Variants in FGD3 observed in about 807,000 individuals in gnomAD.
The protein encoded by FGD3 is FYVE, RhoGEF and PH domain containing 3, also known as FYVE, RhoGEF and PH domain-containing protein 3.
In FGD3, 45 loss-of-function variants were observed where a neutral mutation model predicts 71.8. The ratio of observed to expected loss-of-function variants is 0.63; its 90% CI spans 0.49 to 0.80. The LOEUF is 0.80. FGD3 is among the 30% of genes least tolerant of loss of function. The pLI is 0.00. For synonymous variants in FGD3, 378 were observed against 392.8 expected, an observed-to-expected ratio of 0.96 and a Z score of 0.44; for missense variants, 844 against 951.5, an observed-to-expected ratio of 0.89 and a Z score of 1.49.
At chr9:93,018,277 T>G (rs908756787) in intron 11 of FGD3, 62 bp downstream of exon 11, 1 of 1,435,042 alleles carries the variant, frequency 7.0e-7, no homozygotes. Flanking sequence ...TCTAAACTGG[T>G]TAACCTTGTA....
At position 92,976,491 on chromosome 9, in the gene FGD3, G is replaced by T. The variant is rs770769294; in HGVS notation, c.235G>T (p.Asp79Tyr). 1 of 1,612,220 alleles carries T rather than the reference G, an allele frequency of 6.2e-7. No homozygotes were observed. Among genetic ancestry groups the T allele is most frequent in the African/African-American group, 1.3e-5 (1 of 75,028 alleles). ...LKIPNRDSGI[D>Y]SPSSSVAGEN... ...GATCCCCAACCGGGACAGCGGGATC[G>T]ACAGTCCCTCCTCCAGTGTGGCTGG... The change falls in exon 3 of 18, where the codon GAC (aspartate) becomes TAC (tyrosine). Residue 79 changes from aspartate to tyrosine, a missense_variant. By Grantham distance (160) the Asp-to-Tyr change is radical. Coordinates refer to ENST00000375482, the MANE Select transcript of FGD3 (RefSeq NM_001083536.2).
At chr9:92,989,197 C>T (rs1042864485) in intron 3 of FGD3, among the ~76,000 whole-genome samples, 15 of 152,126 alleles carry the variant, frequency 9.9e-5, no homozygotes, top group Non-Finnish European at 1.8e-4. Flanking sequence ...ACTACAGATG[C>T]GTGCCACCAC....
At chr9:92,979,477 C>T (rs1012955917) in intron 3 of FGD3, among the ~76,000 whole-genome samples, 1 of 152,088 alleles carries the variant, frequency 6.6e-6, no homozygotes, top group African/African-American at 2.4e-5. Flanking sequence ...GTGATTAATC[C>T]TTTCAATGTA....
chr9:93,035,514 T>C lies in FGD3; in HGVS notation c.2103T>C (p.Ala701=). The change falls in exon 18 of 18, where the codon GCT becomes GCC. Residue 701 remains alanine, a synonymous_variant. Transcript: ENST00000375482. ...AGTGGCTGGAAACCCTAAGCACTGCTGCCCATGGGGACACGGCCCAGGACA... is the reference window on the plus strand; with the variant it reads ...AGTGGCTGGAAACCCTAAGCACTGCCGCCCATGGGGACACGGCCCAGGACA... ...QQQWLETLST[A]AHGDTAQDSP... 1 of 1,612,958 alleles carries C rather than the reference T, an allele frequency of 6.2e-7. No homozygotes were observed.
Position 93,019,821 on chromosome 9 carries a change from G to T in FGD3, c.1356-10G>T, listed in dbSNP as rs1253478886. On this transcript the variant is annotated splice_polypyrimidine_tract_variant and intron_variant, in intron 11 of 17. Transcript: ENST00000375482. ...GACTGGATTAATACAAGACCGTTTT[G>T]GTTTTTTAGGACAGAGGAAGAGAAG... The T allele has an allele frequency of 1.2e-6, 2 of 1,613,702 alleles. No homozygotes were observed. The highest frequency in any genetic ancestry group is 2.2e-5 in the South Asian group (2 of 91,008).
chr9:92,951,931 G>A (rs1288403687), intron 1 of FGD3, among the ~76,000 whole-genome samples: 1 of 152,110 alleles, frequency 6.6e-6, no homozygotes, highest in Non-Finnish European at 1.5e-5. Context: ...CAGCTCCAGG[G>A]CAGACAAAAT....
chr9:92,984,079 A>T (rs1860098469), intron 3 of FGD3, among the ~76,000 whole-genome samples: 1 of 152,162 alleles, frequency 6.6e-6, no homozygotes, highest in African/African-American at 2.4e-5. Flanking sequence ...ATAAGATTTG[A>T]CTCTTTCCAG....
At chr9:93,033,343 G>A (rs1188290953) in intron 16 of FGD3, 13 of 68,760 alleles carry the variant, frequency 1.9e-4, no homozygotes, top group Admixed American at 1.1e-3. Flanking sequence ...CCTCCTCCCC[G>A]TCCCCTTCTC....
intron 3 of FGD3, among the ~76,000 whole-genome samples, chr9:92,988,647 T>A (rs1325596511): frequency 1.3e-5 from 2 of 152,260 alleles, no homozygotes; most frequent in Admixed American, 1.3e-4. Context: ...AAGTACTTAC[T>A]GTAAATCTTA....
intron 14 of FGD3, among the ~76,000 whole-genome samples, chr9:93,023,992 G>A (rs1353344254): frequency 2.0e-5 from 3 of 151,870 alleles, no homozygotes; most frequent in Non-Finnish European, 2.9e-5. Flanking sequence ...TAGTAGAGAC[G>A]GGGTTTCACC....
Position 93,035,344 on chromosome 9 carries a change from C to A in FGD3, c.1933C>A (p.Arg645=). 1 of 1,607,706 alleles carries A rather than the reference C, an allele frequency of 6.2e-7. No homozygotes were observed. The change falls in exon 18 of 18, where the codon CGG becomes AGG. Residue 645 remains arginine, a synonymous_variant. Coordinates refer to ENST00000375482, the MANE Select transcript of FGD3 (RefSeq NM_001083536.2). ...ATCTGCTCCTCTGCTGCAGGACGGC[C>A]GGCTGCCCCGCACCATCCCTCTCCC... ...LHLQGGSQDG[R]LPRTIPLPSC... is the part of the protein sequence containing the mutation.
chr9:92,976,350 C>G lies in FGD3; in HGVS notation c.94C>G (p.Leu32Val), dbSNP rs772989178. The change falls in exon 3 of 18, where the codon CTT becomes GTT. Residue 32 changes from leucine to valine, a missense_variant. By Grantham distance (32) the Leu-to-Val change is conservative (BLOSUM62 1). Transcript: ENST00000375482. ...GCCTGGCAGTTCCTCCCTAGGGAAGCTTCAGGCGCTCCCTGTTGGGCCCAG... is the reference window on the plus strand; with the variant it reads ...GCCTGGCAGTTCCTCCCTAGGGAAGGTTCAGGCGCTCCCTGTTGGGCCCAG... ...TGPGSSSLGK[L>V]QALPVGPRAH... 6.2e-7 allele frequency: 1 copy of G among 1,610,716 alleles called. No homozygotes were observed. The highest frequency in any genetic ancestry group is 1.1e-5 in the South Asian group (1 of 90,252).
At chr9:92,985,987 G>C (rs11789881) in intron 3 of FGD3, among the ~76,000 whole-genome samples, 9,383 of 152,150 alleles carry the variant, frequency 0.062, 439 homozygotes, top group Non-Finnish European at 0.094. Flanking sequence ...GTTCCAGAAT[G>C]AACCAGTCTT....
At chr9:93,006,921 G>GT (rs1861082522) in intron 6 of FGD3, among the ~76,000 whole-genome samples, 1 of 151,110 alleles carries the variant, frequency 6.6e-6, no homozygotes, top group Non-Finnish European at 1.5e-5. Flanking sequence ...GAGAGATGGG[G>GT]TTTCACTGTG....
chr9:92,990,927 C>A (rs1860381936), intron 3 of FGD3, among the ~76,000 whole-genome samples: 1 of 151,940 alleles, frequency 6.6e-6, no homozygotes, highest in Non-Finnish European at 1.5e-5. Flanking sequence ...GTTATGATGA[C>A]CTTGTAAAAT....
In FGD3 at chr9:93,013,849, C is replaced by G. The variant is rs753428290; in HGVS notation, c.1036-3C>G. ...TGGTGCCTGAGTCCCATGTCTCTTG[C>G]AGGAGAAAATGCACAAGCTCTTGGA... On this transcript the variant is annotated splice_polypyrimidine_tract_variant and splice_region_variant and intron_variant, in intron 8 of 17. Transcript: ENST00000375482. The G allele has an allele frequency of 1.2e-6, 2 of 1,612,334 alleles. No homozygotes were observed. The highest frequency in any genetic ancestry group is 1.7e-6 in the Non-Finnish European group (2 of 1,179,410).
At chr9:92,997,701 T>A (rs1860701078) in intron 3 of FGD3, among the ~76,000 whole-genome samples, 2 of 152,222 alleles carry the variant, frequency 1.3e-5, no homozygotes, top group African/African-American at 4.8e-5. Flanking sequence ...TTTGTTTGTC[T>A]GTAAAGGATT....
At chr9:93,015,695 G>A (rs112794038) in intron 9 of FGD3, 42 bp from the exon 10 acceptor site, 14 of 1,563,298 alleles carry the variant, frequency 9.0e-6, no homozygotes, top group African/African-American at 2.7e-5. Context: ...GGGGGGACCT[G>A]CGGGCAGCTC....
intron 16 of FGD3, 195 bp from the exon 17 acceptor site, chr9:93,034,346 C>T (rs764794510): frequency 1.4e-4 from 82 of 588,550 alleles, no homozygotes; most frequent in Non-Finnish European, 1.8e-4. Context: ...TGATACCACA[C>T]ATGCCTATGT....
Sources: gnomAD v4.1 joint callset for allele counts (sites outside exome capture counted in the v4.1 genomes callset) on GRCh38, gnomAD v4.1.1 for gene constraint, MANE v1.5 for transcripts, NCBI Gene and HGNC (gene_info 2026-07-23, HGNC 2026-07-21) for gene names.